The following GARRE1 variants were observed in gnomAD, a reference collection of about 807,000 sequenced individuals.
GARRE1 encodes the protein granule associated Rac and RHOG effector 1.
Under a neutral mutation model 103.2 loss-of-function variants are expected in GARRE1, and 49 were observed. That is an observed-to-expected ratio of 0.47 (90% CI 0.38 to 0.60). The LOEUF (loss-of-function observed/expected upper bound fraction) is 0.60, where lower values mean the gene tolerates loss of function less well. Ranked by LOEUF, GARRE1 falls within the 20% of genes least tolerant of loss-of-function variation. The pLI, the probability that GARRE1 is intolerant of heterozygous loss-of-function variation, is 0.00. For synonymous variants in GARRE1, 505 were observed against 532.8 expected (o/e 0.95, Z 0.72); for missense variants, 1,199 against 1,370.5 (o/e 0.87, Z 1.98).
chr19:34,268,041 G>A (rs2073763410), intron 1 of GARRE1, among the ~76,000 whole-genome samples: 1 of 151,412 alleles, frequency 6.6e-6, no homozygotes, highest in African/African-American at 2.4e-5. Flanking sequence ...CAAAGTGCTG[G>A]GATTAGAGGC....
At chr19:34,321,304 T>A (rs1035703120) in intron 3 of GARRE1, among the ~76,000 whole-genome samples, 8 of 144,864 alleles carry the variant, frequency 5.5e-5, no homozygotes, top group African/African-American at 2.0e-4. Flanking sequence ...TCTCAATCTC[T>A]TGACCTCGTG....
At chr19:34,281,300 G>GT (rs767028941) in intron 1 of GARRE1, among the ~76,000 whole-genome samples, 45 of 151,970 alleles carry the variant, frequency 3.0e-4, no homozygotes, top group Non-Finnish European at 5.7e-4. Context: ...TTGTTTGTTT[G>GT]TTTGTTTTGA....
At chr19:34,263,615 T>C (rs1294881167) in intron 1 of GARRE1, among the ~76,000 whole-genome samples, 8 of 151,632 alleles carry the variant, frequency 5.3e-5, no homozygotes, top group Non-Finnish European at 8.8e-5. Flanking sequence ...GTAGCTGGGA[T>C]TACAGGTGCC....
chr19:34,311,731 C>T (rs929149618), intron 2 of GARRE1, among the ~76,000 whole-genome samples: 2 of 152,180 alleles, frequency 1.3e-5, no homozygotes, highest in African/African-American at 4.8e-5. Flanking sequence ...CTGCCTCAGC[C>T]TCCCAAGTAG....
intron 6 of GARRE1, among the ~76,000 whole-genome samples, chr19:34,328,562 C>T (rs917306406): frequency 5.3e-5 from 8 of 151,580 alleles, no homozygotes; most frequent in South Asian, 2.1e-4. Flanking sequence ...AGCAGACCTA[C>T]GGAGACTTTA....
At chr19:34,323,463 C>CT (rs1423616486) in intron 3 of GARRE1, among the ~76,000 whole-genome samples, 1 of 152,130 alleles carries the variant, frequency 6.6e-6, no homozygotes, top group Non-Finnish European at 1.5e-5. Flanking sequence ...GTTGTCATTT[C>CT]TTTTTAATTT....
chr19:34,309,185 C>T lies in GARRE1; in HGVS notation c.495+8217C>T, dbSNP rs191460689. On this transcript the variant is annotated intron_variant, in intron 2 of 13. Transcript: ENST00000299505. The stretch of plus-strand genomic sequence containing the variant: ...CAAGTTATGCAATACCACGAGAAGG[C>T]AACCAGACAAATTCACAATGTGGCA... Among the ~76,000 whole-genome samples the T allele has an allele frequency of 9.9e-5, 15 of 152,022 alleles. No individual in the cohort carries two copies. The East Asian group carries it at 2.9e-3, about 29-fold the overall frequency.
intron 1 of GARRE1, among the ~76,000 whole-genome samples, chr19:34,270,024 T>G (rs2073777069): frequency 6.6e-6 from 1 of 152,192 alleles, no homozygotes; most frequent in Non-Finnish European, 1.5e-5. Flanking sequence ...ATGCCCGCCT[T>G]TCTCTTCTGA....
chr19:34,334,704 A>C (rs2074152880), intron 8 of GARRE1, among the ~76,000 whole-genome samples: 1 of 151,488 alleles, frequency 6.6e-6, no homozygotes. Context: ...CTCAAAAAAA[A>C]AAAAAAAGAA....
chr19:34,344,734 G>A (rs1223009173), intron 10 of GARRE1, among the ~76,000 whole-genome samples: 4 of 152,034 alleles, frequency 2.6e-5, no homozygotes, highest in African/African-American at 4.8e-5. Context: ...GCGCAGTGGC[G>A]CGATCCCCAC....
intron 6 of GARRE1, among the ~76,000 whole-genome samples, chr19:34,329,620 G>A (rs2074128105): frequency 6.6e-6 from 1 of 152,168 alleles, no homozygotes; most frequent in African/African-American, 2.4e-5. Flanking sequence ...CAGATCACCT[G>A]AGGTCAGGAG....
chr19:34,348,830 T>C (rs1260503286), intron 11 of GARRE1, 186 bp from the exon 12 acceptor site: 16 of 642,364 alleles, frequency 2.5e-5, no homozygotes, highest in East Asian at 2.4e-4. Flanking sequence ...ATAAAGGGAA[T>C]TGATGAATAT....
chr19:34,280,955 C>A (rs2073849086), intron 1 of GARRE1, among the ~76,000 whole-genome samples: 1 of 146,652 alleles, frequency 6.8e-6, no homozygotes. Context: ...TTTAGTAGAA[C>A]TAGGAAATAC....
intron 6 of GARRE1, among the ~76,000 whole-genome samples, chr19:34,329,722 G>A (rs868656933): frequency 2.0e-4 from 30 of 152,028 alleles, no homozygotes; most frequent in African/African-American, 7.3e-4. Flanking sequence ...TATAATCCTA[G>A]CTACTCAGGA....
chr19:34,314,386 T>C (rs945300245), intron 2 of GARRE1, among the ~76,000 whole-genome samples: 3 of 152,214 alleles, frequency 2.0e-5, no homozygotes, highest in African/African-American at 7.2e-5. Flanking sequence ...ATGGGCTGTT[T>C]AGTAATCGTA....
intron 1 of GARRE1, among the ~76,000 whole-genome samples, chr19:34,292,516 G>A (rs556859227): frequency 6.6e-6 from 1 of 152,256 alleles, no homozygotes; most frequent in South Asian, 2.1e-4. Flanking sequence ...GGGTTATGTG[G>A]TAACACTATA....
At chr19:34,305,566 G>A (rs1228127075) in intron 2 of GARRE1, among the ~76,000 whole-genome samples, 1 of 152,190 alleles carries the variant, frequency 6.6e-6, no homozygotes, top group Non-Finnish European at 1.5e-5. Context: ...GCAGGTATTG[G>A]AGGAAACAGA....
chr19:34,298,182 G>T (rs1167842014), intron 1 of GARRE1, among the ~76,000 whole-genome samples: 1 of 152,198 alleles, frequency 6.6e-6, no homozygotes, highest in Non-Finnish European at 1.5e-5. Flanking sequence ...ATTTTGGGCT[G>T]AGGCGGGAGG....
chr19:34,288,916 G>GCA (rs1225349128), intron 1 of GARRE1, among the ~76,000 whole-genome samples: 14 of 152,122 alleles, frequency 9.2e-5, no homozygotes, highest in Admixed American at 9.2e-4. Context: ...CGGATCAGTT[G>GCA]AGGCCAGGAG....
Sources: gnomAD v4.1 joint callset for allele counts (sites outside exome capture counted in the v4.1 genomes callset) on GRCh38, gnomAD v4.1.1 for gene constraint, MANE v1.5 for transcripts, NCBI Gene and HGNC (gene_info 2026-07-23, HGNC 2026-07-21) for gene names.